The following DUSP12 variants were observed in gnomAD, a reference collection of about 807,000 sequenced individuals.
DUSP12 encodes dual specificity phosphatase 12.
DUSP12 carries 25 observed loss-of-function variants against 38.9 expected under a neutral mutation model. That is an observed-to-expected ratio of 0.64 (90% confidence interval 0.47 to 0.90). The LOEUF is 0.90. DUSP12 is among the 40% of genes least tolerant of loss of function. The pLI, the probability that DUSP12 is intolerant of heterozygous loss-of-function variation, is 0.00. For synonymous variants in DUSP12, 153 were observed against 153.9 expected, an observed-to-expected ratio of 0.99 and a Z score of 0.05; for missense variants, 403 against 427.0, an observed-to-expected ratio of 0.94 and a Z score of 0.50.
rs1032836652 is a variant in DUSP12, at chr1:161,749,965, C to T, written c.164C>T (p.Ala55Val). The change falls in exon 1 of 6, where the codon GCC becomes GTC. Residue 55 changes from alanine to valine, a missense_variant. Coordinates refer to ENST00000367943, the MANE Select transcript of DUSP12 (RefSeq NM_007240.3). ...CACCTGAGGGAAGCGGGCATCACGGCCGTGCTAACAGTGGACTCGGAGGAG... is the reference window on the plus strand; with the variant it reads ...CACCTGAGGGAAGCGGGCATCACGGTCGTGCTAACAGTGGACTCGGAGGAG... Reference protein sequence around the residue: ...PDHLREAGITAVLTVDSEEPS... With the variant: ...PDHLREAGITVVLTVDSEEPS... The T allele has an allele frequency of 2.5e-6, 4 of 1,613,924 alleles. No individual in the cohort carries two copies. The African/African-American group carries it at 4.0e-5, about 16-fold the overall frequency.
intron 5 of DUSP12, 30 bp downstream of exon 5, chr1:161,753,291 T>A: frequency 6.7e-7 from 1 of 1,493,624 alleles, no homozygotes; most frequent in South Asian, 1.4e-5. Flanking sequence ...TCTACAATTT[T>A]ATTTTATGAT....
In DUSP12 at chr1:161,750,622, G is replaced by C. The variant is rs748942465; in HGVS notation, c.344+477G>C. On this transcript the variant is annotated intron_variant, in intron 1 of 5. Transcript: ENST00000367943. ...AGGATCCCTGGGCTTTGCCTAGGGAGGAGATGGTTGCAGCAAAGACAAAAA... is the reference window on the plus strand; with the variant it reads ...AGGATCCCTGGGCTTTGCCTAGGGACGAGATGGTTGCAGCAAAGACAAAAA... Among the ~76,000 whole-genome samples the C allele has an allele frequency of 7.5e-4, 114 of 152,318 alleles. 1 individual carries two copies. The highest frequency in any genetic ancestry group is 6.8e-3 in the Middle Eastern group (2 of 294).
rs41270869 is a variant in DUSP12 at position 161,757,028 on chromosome 1, T to A, written c.*81T>A. On this transcript the variant is annotated 3_prime_UTR_variant, in exon 6 of 6. Transcript: ENST00000367943. ...TTCTTATCATTCATGGCAGATTGTTTGTGCTTTCAACATTTCATTTGAAAT... is the reference window on the plus strand; with the variant it reads ...TTCTTATCATTCATGGCAGATTGTTAGTGCTTTCAACATTTCATTTGAAAT... 20,023 of 1,362,228 alleles carry A rather than the reference T, an allele frequency of 0.015. 206 individuals carry two copies. Among genetic ancestry groups the A allele is most frequent in the Middle Eastern group, 0.044 (178 of 4,024 alleles). The allele number at this position is 1,362,228 out of a possible 1,614,324, so 84.4% of individuals were successfully genotyped here.
At position 161,750,195 on chromosome 1, in the gene DUSP12, C is replaced by T. The variant is rs753916641; in HGVS notation, c.344+50C>T. ...CGTGCCCCGCCAAGCTTCCAGCCGG[C>T]CCCCGTCGCCCCTTACCTTCCGAGG... is the stretch of plus-strand genomic sequence containing the variant. On this transcript the variant is annotated intron_variant, in intron 1 of 5. Transcript: ENST00000367943. 8.9e-6 allele frequency: 14 copies of T among 1,566,054 alleles called. No homozygotes were observed. The African/African-American group carries it at 1.6e-4, about 18-fold the overall frequency.
chr1:161,752,287 C>T, intron 3 of DUSP12, 81 bp from the exon 4 acceptor site: 3 of 1,034,008 alleles, frequency 2.9e-6, no homozygotes, highest in Admixed American at 2.1e-5. Context: ...CACTTGTTGC[C>T]TCAATTTGAC....
At chr1:161,750,385 G>T (rs546369782) in intron 1 of DUSP12, among the ~76,000 whole-genome samples, 2 of 152,198 alleles carry the variant, frequency 1.3e-5, no homozygotes, top group Non-Finnish European at 2.9e-5. Flanking sequence ...AGCAGAGGGC[G>T]GGGGAGGTGT....
At position 161,753,069 on chromosome 1, in the gene DUSP12, T is replaced by C. The variant is rs765173835; in HGVS notation, c.675-6T>C. 4 of 1,592,356 alleles carry C rather than the reference T, an allele frequency of 2.5e-6. No homozygotes were observed. The highest frequency in any genetic ancestry group is 4.5e-5 in the East Asian group (2 of 44,262). Reference sequence around the variant, plus strand: ...ATTAATGCTTTTGTTTGTTTGGGGGTTGCAGGCGATCATTATTTCGAAGTT... The same window carrying C: ...ATTAATGCTTTTGTTTGTTTGGGGGCTGCAGGCGATCATTATTTCGAAGTT... On this transcript the variant is annotated splice_region_variant and splice_polypyrimidine_tract_variant and intron_variant, in intron 4 of 5. Transcript: ENST00000367943.
intron 5 of DUSP12, among the ~76,000 whole-genome samples, chr1:161,755,120 A>G (rs1210049905): frequency 6.6e-6 from 1 of 152,148 alleles, no homozygotes; most frequent in Non-Finnish European, 1.5e-5. Context: ...GTGAGCCACC[A>G]TGCCCAGCTG....
At chr1:161,752,093 G>C in intron 3 of DUSP12, 109 bp downstream of exon 3, 1 of 848,820 alleles carries the variant, frequency 1.2e-6, no homozygotes, top group Non-Finnish European at 1.9e-6. Context: ...GTTTCTTTTT[G>C]AAACTGATTT....
intron 5 of DUSP12, among the ~76,000 whole-genome samples, chr1:161,755,030 A>G (rs1169430942): frequency 6.6e-6 from 1 of 152,026 alleles, no homozygotes; most frequent in Admixed American, 6.6e-5. Context: ...GGGTTTTTCC[A>G]TGTTGGTCAG....
intron 5 of DUSP12, among the ~76,000 whole-genome samples, chr1:161,754,010 A>T (rs1215492516): frequency 1.3e-5 from 2 of 152,238 alleles, no homozygotes; most frequent in Admixed American, 1.3e-4. Context: ...CATTTTACAT[A>T]AAAAAGTGTT....
In DUSP12 at chr1:161,752,354, A is replaced by T; in HGVS notation, c.578-14A>T. 2 of 1,551,220 alleles carry T rather than the reference A, an allele frequency of 1.3e-6. No homozygotes were observed. Among genetic ancestry groups the T allele is most frequent in the Non-Finnish European group, 1.8e-6 (2 of 1,129,664 alleles). On this transcript the variant is annotated splice_polypyrimidine_tract_variant and intron_variant, in intron 3 of 5. Coordinates refer to ENST00000367943, the MANE Select transcript of DUSP12 (RefSeq NM_007240.3). Reference sequence around the variant, plus strand: ...GATTTTGACAAATAAATACATTTTAATTATGTCATATAGAATTGCAGAATT... The same window carrying T: ...GATTTTGACAAATAAATACATTTTATTTATGTCATATAGAATTGCAGAATT...
At chr1:161,756,493 A>G (rs1321231013) in intron 5 of DUSP12, among the ~76,000 whole-genome samples, 1 of 37,320 alleles carries the variant, frequency 2.7e-5, no homozygotes, top group African/African-American at 1.0e-4. Flanking sequence ...CTATATATAT[A>G]TATATATATA....
intron 5 of DUSP12, among the ~76,000 whole-genome samples, chr1:161,756,483 CTATATA>C (rs10527814): frequency 0.02 from 2,542 of 124,620 alleles, 47 homozygotes; most frequent in African/African-American, 0.022. Context: ...GATTTAAAAG[CTATATA>C]TATATATATA....
At chr1:161,752,500 G>A in intron 4 of DUSP12, 36 bp downstream of exon 4, 1 of 1,362,928 alleles carries the variant, frequency 7.3e-7, no homozygotes, top group Non-Finnish European at 1.0e-6. Flanking sequence ...ATTTTATCTT[G>A]TCTCAGTAGC....
chr1:161,751,656 T>C lies in DUSP12; in HGVS notation c.345-12T>C. ...GCTATTTGCTGTTTTATTTTAAAGG[T>C]CTCTTTTTCAGTCATGCAGGAGTCA... is the stretch of plus-strand genomic sequence containing the variant. On this transcript the variant is annotated splice_polypyrimidine_tract_variant and intron_variant, in intron 1 of 5. Transcript: ENST00000367943. The C allele has an allele frequency of 6.3e-7, 1 of 1,584,756 alleles. No individual in the cohort carries two copies. Among genetic ancestry groups the C allele is most frequent in the South Asian group, 1.2e-5 (1 of 84,596 alleles).
rs773946443 is a variant in DUSP12, at chr1:161,750,008, G to T, written c.207G>T (p.Gly69=). 1.7e-5 allele frequency: 27 copies of T among 1,613,928 alleles called. No homozygotes were observed. Among genetic ancestry groups the T allele is most frequent in the Non-Finnish European group, 2.1e-5 (25 of 1,179,988 alleles). ...CGGAGGAGCCCAGCTTCAAGGCGGGGCCTGGGGTCGAGGATCTATGGCGCC... is the reference window on the plus strand; with the variant it reads ...CGGAGGAGCCCAGCTTCAAGGCGGGTCCTGGGGTCGAGGATCTATGGCGCC... ...VDSEEPSFKA[G]PGVEDLWRLF... The change falls in exon 1 of 6, where the codon GGG becomes GGT. Residue 69 remains glycine (G), a synonymous_variant. Transcript: ENST00000367943.
chr1:161,750,336 C>G (rs1038799208), intron 1 of DUSP12, among the ~76,000 whole-genome samples, 191 bp downstream of exon 1: 1 of 152,232 alleles, frequency 6.6e-6, no homozygotes, highest in Admixed American at 6.5e-5. Flanking sequence ...TGTGTGCAGG[C>G]TTTCATTCAT....
rs193042024 is a variant in DUSP12, at chr1:161,751,684, C to G, written c.361C>G (p.Arg121Gly). The G allele has an allele frequency of 6.8e-6, 11 of 1,610,356 alleles. No homozygotes were observed. The highest frequency in any genetic ancestry group is 9.3e-6 in the Non-Finnish European group (11 of 1,179,086). ...CTTTTTCAGTCATGCAGGAGTCAGT[C>G]GAAGTGTGGCCATAATAACTGCTTT... is the stretch of plus-strand genomic sequence containing the variant. ...VLVHCHAGVS[R>G]SVAIITAFLM... Residue 121 changes from arginine to glycine, a missense_variant, in exon 2 of 6, where the codon CGA (arginine) becomes GGA (glycine). Arg to Gly is a moderately radical substitution (Grantham distance 125, BLOSUM62 -2). Coordinates refer to ENST00000367943, the MANE Select transcript of DUSP12 (RefSeq NM_007240.3).
Sources: allele counts gnomAD v4.1 joint callset (sites outside exome capture counted in the v4.1 genomes callset), GRCh38; gene constraint gnomAD v4.1.1; transcripts MANE v1.5; gene names NCBI Gene and HGNC (gene_info 2026-07-23, HGNC 2026-07-21).